HMGA2: variants seen among roughly 807,000 people sequenced by gnomAD.
HMGA2 encodes high mobility group AT-hook 2.
HMGA2 carries 8 observed loss-of-function variants against 19.1 expected under a neutral mutation model. That is an observed-to-expected ratio of 0.42 (90% CI 0.25 to 0.76). HMGA2 has a LOEUF of 0.76. Ranked by LOEUF, HMGA2 falls within the 30% of genes least tolerant of loss-of-function variation. HMGA2 has a pLI of 0.28. For synonymous variants in HMGA2, 60 were observed against 48.8 expected, an observed-to-expected ratio of 1.23 and a Z score of -0.96; for missense variants, 109 against 136.3, an observed-to-expected ratio of 0.80 and a Z score of 1.00.
chr12:65,859,932 A>G (rs1018566490), intron 3 of HMGA2: 6 of 290,752 alleles, frequency 2.1e-5, no homozygotes, highest in African/African-American at 1.1e-4. Flanking sequence ...AAAAAAAAAA[A>G]AATTAAAAAT....
chr12:65,833,529 C>T (rs1356590443), intron 2 of HMGA2, among the ~76,000 whole-genome samples: 1 of 151,918 alleles, frequency 6.6e-6, no homozygotes, highest in African/African-American at 2.4e-5. Flanking sequence ...AATTAATAGC[C>T]ACCTAAACCT....
intron 3 of HMGA2, among the ~76,000 whole-genome samples, chr12:65,911,935 T>G (rs763053194): frequency 1.1e-4 from 16 of 152,216 alleles, no homozygotes; most frequent in Non-Finnish European, 1.9e-4. Context: ...GAAATGAAAC[T>G]ATGATAGTGG....
At chr12:65,876,359 T>C (rs1266050683) in intron 3 of HMGA2, among the ~76,000 whole-genome samples, 1 of 152,220 alleles carries the variant, frequency 6.6e-6, no homozygotes, top group Non-Finnish European at 1.5e-5. Flanking sequence ...ATACTCACTC[T>C]GAAACCATGG....
At chr12:65,926,837 G>A (rs1388379647) in intron 3 of HMGA2, among the ~76,000 whole-genome samples, 1 of 152,102 alleles carries the variant, frequency 6.6e-6, no homozygotes, top group African/African-American at 2.4e-5. Flanking sequence ...TCTGAGAGAG[G>A]TTTGGGTGAC....
chr12:65,849,734 G>GTGTTTTTT (rs1309933646), intron 3 of HMGA2, among the ~76,000 whole-genome samples: 1 of 102,036 alleles, frequency 9.8e-6, no homozygotes, highest in African/African-American at 5.9e-5. Context: ...GGTAGGCTCT[G>GTGTTTTTT]TATTTTTTTT....
chr12:65,871,397 G>A (rs1455632086), intron 3 of HMGA2, among the ~76,000 whole-genome samples: 1 of 152,104 alleles, frequency 6.6e-6, no homozygotes, highest in Non-Finnish European at 1.5e-5. Context: ...GAAGGTTGCT[G>A]ACTCCTGCTC....
intron 3 of HMGA2, chr12:65,857,705 G>C (rs1247117027): frequency 6.6e-6 from 1 of 152,136 alleles, no homozygotes; most frequent in Non-Finnish European, 1.5e-5. Flanking sequence ...TAAAAAAATA[G>C]TTTTAAACGA....
At chr12:65,899,860 C>G (rs1417082941) in intron 3 of HMGA2, among the ~76,000 whole-genome samples, 1 of 152,276 alleles carries the variant, frequency 6.6e-6, no homozygotes, top group Non-Finnish European at 1.5e-5. Context: ...CACATTTTAC[C>G]TGCTGGCACT....
At chr12:65,948,896 C>T (rs371725266) in intron 3 of HMGA2, among the ~76,000 whole-genome samples, 29 of 152,228 alleles carry the variant, frequency 1.9e-4, no homozygotes, top group African/African-American at 6.5e-4. Context: ...CACATGAATG[C>T]GGGAGCCTCT....
intron 3 of HMGA2, among the ~76,000 whole-genome samples, chr12:65,877,955 A>G (rs1408347113): frequency 6.6e-6 from 1 of 152,234 alleles, no homozygotes; most frequent in Non-Finnish European, 1.5e-5. Context: ...AAGCATGAAC[A>G]TACTGCATTC....
intron 3 of HMGA2, among the ~76,000 whole-genome samples, chr12:65,949,535 CAGACATG>C (rs1262456362): frequency 1.3e-5 from 2 of 152,048 alleles, no homozygotes; most frequent in Non-Finnish European, 2.9e-5. Flanking sequence ...TGCCTATATT[CAGACATG>C]AGAGTGAGGA....
intron 3 of HMGA2, among the ~76,000 whole-genome samples, chr12:65,902,773 A>C (rs1164153894): frequency 6.6e-6 from 1 of 152,154 alleles, no homozygotes; most frequent in East Asian, 1.9e-4. Context: ...GATACAACCA[A>C]ATTTTTGACC....
At chr12:65,918,982 A>G (rs962543837) in intron 3 of HMGA2, among the ~76,000 whole-genome samples, 7 of 152,304 alleles carry the variant, frequency 4.6e-5, no homozygotes, top group South Asian at 2.1e-4. Flanking sequence ...GTAGGAGGGA[A>G]GGGGTACGGT....
At chr12:65,933,009 C>T (rs994968557) in intron 3 of HMGA2, among the ~76,000 whole-genome samples, 3 of 152,184 alleles carry the variant, frequency 2.0e-5, no homozygotes, top group Non-Finnish European at 2.9e-5. Context: ...TTCTTTCCCA[C>T]ACCTCTGTCC....
intron 3 of HMGA2, among the ~76,000 whole-genome samples, chr12:65,847,749 T>C (rs1196112725): frequency 3.3e-5 from 5 of 152,216 alleles, no homozygotes; most frequent in Non-Finnish European, 7.3e-5. Flanking sequence ...TTATTCAGCA[T>C]GTGTCAAGCT....
chr12:65,926,126 A>T (rs1264761452), intron 3 of HMGA2, among the ~76,000 whole-genome samples: 1 of 152,208 alleles, frequency 6.6e-6, no homozygotes, highest in East Asian at 1.9e-4. Flanking sequence ...ACCCCAGACA[A>T]TCAAAATCTT....
intron 3 of HMGA2, among the ~76,000 whole-genome samples, chr12:65,866,382 G>A (rs556849807): frequency 2.0e-5 from 3 of 152,306 alleles, no homozygotes; most frequent in African/African-American, 7.2e-5. Flanking sequence ...TGGAGTAGGC[G>A]AGGCTGCTTT....
At chr12:65,953,172 G>A (rs922757077) in intron 4 of HMGA2, 2 of 152,068 alleles carry the variant, frequency 1.3e-5, no homozygotes, top group African/African-American at 2.4e-5. Context: ...TTGGTCTGGA[G>A]ATCCATCATA....
At chr12:65,955,146 C>G (rs1330363055) in intron 4 of HMGA2, 2 of 152,126 alleles carry the variant, frequency 1.3e-5, no homozygotes, top group Admixed American at 6.5e-5. Flanking sequence ...GATTGTGCCA[C>G]TGCACCCCAG....
Sources: allele counts gnomAD v4.1 joint callset (sites outside exome capture counted in the v4.1 genomes callset), GRCh38; gene constraint gnomAD v4.1.1; transcripts MANE v1.5; gene names NCBI Gene and HGNC (gene_info 2026-07-23, HGNC 2026-07-21).